The following DACH2 variants were observed in gnomAD, a reference collection of about 807,000 sequenced individuals.
DACH2 encodes dachshund homolog 2.
DACH2 carries 17 observed loss-of-function variants against 35.8 expected under a neutral mutation model. The observed-to-expected ratio is 0.48, with a 90% CI of 0.33 to 0.71. The LOEUF is 0.71. Among genes scored for constraint, DACH2 ranks in the 30% least tolerant of loss-of-function variants. The pLI is 0.02. For synonymous variants in DACH2, 195 were observed against 177.3 expected (o/e 1.10, Z -0.79); for missense variants, 469 against 472.7 (o/e 0.99, Z 0.07).
chrX:86,152,156 A>C (rs1255553391), intron 1 of DACH2, among the ~76,000 whole-genome samples: 1 of 111,919 alleles, frequency 8.9e-6, no homozygotes, highest in Non-Finnish European at 1.9e-5. Context: ...ATAAATGTTC[A>C]TAATATGTTG....
intron 2 of DACH2, among the ~76,000 whole-genome samples, chrX:86,428,148 T>A (rs1430084326): frequency 9.0e-6 from 1 of 111,683 alleles, no homozygotes; most frequent in Non-Finnish European, 1.9e-5. Context: ...GGAAAATAGG[T>A]TAAATAGATC....
At chrX:86,212,595 C>T (rs1417170634) in intron 1 of DACH2, among the ~76,000 whole-genome samples, 1 of 110,733 alleles carries the variant, frequency 9.0e-6, no homozygotes, top group African/African-American at 3.3e-5. Context: ...AATTTGCCTG[C>T]CTTTTTGTCT....
At chrX:86,585,397 A>G (rs529046767) in intron 3 of DACH2, among the ~76,000 whole-genome samples, 1 of 111,129 alleles carries the variant, frequency 9.0e-6, no homozygotes, top group Middle Eastern at 4.6e-3. Flanking sequence ...ATTAATTATT[A>G]TCATTTAACT....
At chrX:86,360,919 A>G (rs1181825791) in intron 1 of DACH2, among the ~76,000 whole-genome samples, 1 of 111,289 alleles carries the variant, frequency 9.0e-6, no homozygotes, top group African/African-American at 3.2e-5. Context: ...GTTGCTGAGC[A>G]TATTTTGAGT....
At chrX:86,571,029 A>G (rs1035659421) in intron 3 of DACH2, among the ~76,000 whole-genome samples, 1 of 111,177 alleles carries the variant, frequency 9.0e-6, no homozygotes, top group Admixed American at 9.6e-5. Context: ...AATGACACAG[A>G]GATTTTCTAC....
chrX:86,641,634 C>T (rs758204568), intron 3 of DACH2, among the ~76,000 whole-genome samples: 1 of 111,371 alleles, frequency 9.0e-6, no homozygotes, highest in Non-Finnish European at 1.9e-5. Context: ...AGAAGATACT[C>T]CCCAAGACAC....
At chrX:86,675,368 T>C (rs2040813996) in intron 4 of DACH2, among the ~76,000 whole-genome samples, 1 of 111,780 alleles carries the variant, frequency 8.9e-6, no homozygotes, top group African/African-American at 3.3e-5. Context: ...ATTCTATCCA[T>C]TTATTTATAA....
At chrX:86,638,839 A>T (rs1264026269) in intron 3 of DACH2, among the ~76,000 whole-genome samples, 3 of 112,176 alleles carry the variant, frequency 2.7e-5, no homozygotes, top group African/African-American at 9.7e-5. Flanking sequence ...ATCTATATGG[A>T]AACAGTATGG....
At chrX:86,406,786 C>A (rs1371557700) in intron 2 of DACH2, among the ~76,000 whole-genome samples, 1 of 112,102 alleles carries the variant, frequency 8.9e-6, no homozygotes, top group Admixed American at 9.5e-5. Flanking sequence ...GCTTATTTTC[C>A]AAGTTTCTGC....
intron 2 of DACH2, among the ~76,000 whole-genome samples, chrX:86,449,969 G>A (rs770034955): frequency 2.7e-5 from 3 of 111,213 alleles, no homozygotes; most frequent in African/African-American, 9.8e-5. Flanking sequence ...TTTTACCAGC[G>A]AATTTTATAC....
chrX:86,192,350 C>T (rs1444904511), intron 1 of DACH2, among the ~76,000 whole-genome samples: 2 of 112,056 alleles, frequency 1.8e-5, no homozygotes, highest in African/African-American at 6.5e-5. Flanking sequence ...GGTGCTCAAT[C>T]AGTATTGAGC....
At chrX:86,180,965 C>G (rs750511153) in intron 1 of DACH2, among the ~76,000 whole-genome samples, 5 of 110,522 alleles carry the variant, frequency 4.5e-5, no homozygotes, top group Non-Finnish European at 7.6e-5. Flanking sequence ...GCCAAGTTAG[C>G]GTGTGGAAGT....
At chrX:86,760,249 C>T (rs185401197) in intron 7 of DACH2, among the ~76,000 whole-genome samples, 100 of 111,266 alleles carry the variant, frequency 9.0e-4, no homozygotes, top group African/African-American at 3.0e-3. Flanking sequence ...TCTCTTGCTA[C>T]ACTTGGGAAG....
At position 86,832,522 on chromosome X, in the gene DACH2, T is replaced by C. The variant is rs915896290; in HGVS notation, c.*367T>C. 1 of 144,660 alleles carries C rather than the reference T, an allele frequency of 6.9e-6. No individual in the cohort carries two copies. Among genetic ancestry groups the C allele is most frequent in the Non-Finnish European group, 1.3e-5 (1 of 75,892 alleles). 11.9% of individuals were successfully genotyped at this position (144,660 alleles called of 1,213,427 possible). On this transcript the variant is annotated 3_prime_UTR_variant, in exon 12 of 12. Transcript: ENST00000373125. ...TATATGTATGGTTTCCCTGTTCTAC[T>C]ATACATAACGTTAAAGTACACCTTC... is the stretch of plus-strand genomic sequence containing the variant.
intron 2 of DACH2, among the ~76,000 whole-genome samples, chrX:86,433,736 A>G (rs757005994): frequency 1.9e-4 from 21 of 111,961 alleles, no homozygotes; most frequent in African/African-American, 6.5e-4. Context: ...CTAGGTAGTT[A>G]CACTGTTATG....
Position 86,832,352 on chromosome X carries a change from AGACT to A in DACH2, c.*201_*204del, listed in dbSNP as rs34028681. The A allele has an allele frequency of 1.0e-3, 385 of 374,717 alleles. 1 individual carries two copies. Among genetic ancestry groups the A allele is most frequent in the African/African-American group, 9.3e-3 (355 of 38,086 alleles). The allele number at this position is 374,717 out of a possible 1,213,427, so 30.9% of individuals were successfully genotyped here. ...ATGATGTAAACTTTGTTCTTGCATT[AGACT>A]GACCAGTTTAAAAATATGAACTAAA... On this transcript the variant is annotated 3_prime_UTR_variant, in exon 12 of 12. Coordinates refer to ENST00000373125, the MANE Select transcript of DACH2 (RefSeq NM_053281.3).
chrX:86,412,925 G>A (rs1025291355), intron 2 of DACH2, among the ~76,000 whole-genome samples: 1 of 111,460 alleles, frequency 9.0e-6, no homozygotes, highest in Non-Finnish European at 1.9e-5. Flanking sequence ...GTGGGCTCGA[G>A]TAATATACCC....
chrX:86,274,391 C>T (rs1303018797), intron 1 of DACH2, among the ~76,000 whole-genome samples: 1 of 107,303 alleles, frequency 9.3e-6, no homozygotes, highest in Non-Finnish European at 1.9e-5. Context: ...ATTTCTTTGG[C>T]AGATTTAAGT....
chrX:86,259,485 G>GT (rs2033586427), intron 1 of DACH2, among the ~76,000 whole-genome samples: 1 of 111,829 alleles, frequency 8.9e-6, no homozygotes, highest in Non-Finnish European at 1.9e-5. Context: ...TAGCAGAGAA[G>GT]TAATGGTGTC....
Sources: allele counts gnomAD v4.1 joint callset (sites outside exome capture counted in the v4.1 genomes callset), GRCh38; gene constraint gnomAD v4.1.1; transcripts MANE v1.5; gene names NCBI Gene and HGNC (gene_info 2026-07-23, HGNC 2026-07-21).